The following ATP10B variants were observed in gnomAD, a reference collection of about 807,000 sequenced individuals.
ATP10B encodes the protein phospholipid-transporting ATPase VB.
In ATP10B, 122 loss-of-function variants were observed where a neutral mutation model predicts 141.2. That is an observed-to-expected ratio of 0.86 (90% CI 0.75 to 1.00). The LOEUF is 1.00. Ranked by LOEUF, ATP10B falls within the 50% of genes least tolerant of loss-of-function variation. The probability of loss-of-function intolerance (pLI) is 0.00; values close to 1 mark genes in which losing one functional copy is unlikely to be tolerated. For synonymous variants in ATP10B, 685 were observed against 692.0 expected, an observed-to-expected ratio of 0.99 and a Z score of 0.16; for missense variants, 1,876 against 1,825.3, an observed-to-expected ratio of 1.03 and a Z score of -0.51.
intron 25 of ATP10B, among the ~76,000 whole-genome samples, chr5:160,568,286 C>A (rs892796543): frequency 4.6e-5 from 7 of 151,226 alleles, no homozygotes; most frequent in Non-Finnish European, 8.9e-5. Context: ...TTTTTAAATC[C>A]ATGATAGTGA....
intron 3 of ATP10B, among the ~76,000 whole-genome samples, chr5:160,704,834 G>C (rs1194471986): frequency 6.7e-6 from 1 of 150,028 alleles, no homozygotes; most frequent in African/African-American, 2.5e-5. Flanking sequence ...TTGCAGTCTC[G>C]CAGTTTTATA....
In ATP10B at chr5:160,751,252, A is replaced by G. The variant is rs1768133044; in HGVS notation, c.-330-34218T>C. ...ACATCAGCCACAGTCTCTTCCCCTC[A>G]AATATGTCCCCAGCATCCCCAGGCT... On this transcript the variant is annotated intron_variant, in intron 2 of 25. Coordinates refer to ENST00000327245, the MANE Select transcript of ATP10B (RefSeq NM_025153.3). Among the ~76,000 whole-genome samples, 5 of 152,068 alleles carry G rather than the reference A, an allele frequency of 3.3e-5. No homozygotes were observed. The South Asian group carries it at 1.0e-3, about 32-fold the overall frequency.
At chr5:160,682,468 T>C (rs1191886313) in intron 6 of ATP10B, among the ~76,000 whole-genome samples, 1 of 152,194 alleles carries the variant, frequency 6.6e-6, no homozygotes, top group African/African-American at 2.4e-5. Context: ...GGAAGCTATT[T>C]TGGAAACAAC....
chr5:160,636,144 A>AT (rs1423513489), intron 11 of ATP10B, 38 bp downstream of exon 11: 1 of 1,559,298 alleles, frequency 6.4e-7, no homozygotes, highest in African/African-American at 1.4e-5. Context: ...TTTTGGCCAC[A>AT]TATCTTATTG....
chr5:160,842,429 TA>T (rs1775865406), intron 1 of ATP10B, among the ~76,000 whole-genome samples: 1 of 151,524 alleles, frequency 6.6e-6, no homozygotes, highest in Admixed American at 6.6e-5. Flanking sequence ...GATAAAAAAA[TA>T]AAGAGCGAAT....
chr5:160,752,059 C>T (rs1443172427), intron 2 of ATP10B, among the ~76,000 whole-genome samples: 1 of 151,984 alleles, frequency 6.6e-6, no homozygotes, highest in Non-Finnish European at 1.5e-5. Flanking sequence ...AGTAGGGCAA[C>T]CACAATTCCA....
At position 160,634,440 on chromosome 5, in the gene ATP10B, G is replaced by A. The variant is rs1015496083; in HGVS notation, c.1295C>T (p.Ser432Phe). The change falls in exon 12 of 26, where the codon TCC becomes TTC. Residue 432 changes from serine to phenylalanine, a missense_variant. Coordinates refer to ENST00000327245, the MANE Select transcript of ATP10B (RefSeq NM_025153.3). ...CTCTGTCAGGGTCCCCGTCTTATCG[G>A]AGAAGATGTACTGGATCTGGCCCAA... ...EDLGQIQYIF[S>F]DKTGTLTENK... 3.1e-6 allele frequency: 5 copies of A among 1,614,072 alleles called. No homozygotes were observed. In the African/African-American group the frequency reaches 5.3e-5, roughly 17 times the overall value.
intron 14 of ATP10B, among the ~76,000 whole-genome samples, chr5:160,621,487 T>C (rs1319971235): frequency 6.6e-6 from 1 of 152,216 alleles, no homozygotes; most frequent in African/African-American, 2.4e-5. Context: ...CTACTGTCTT[T>C]CCCCAAATGG....
intron 5 of ATP10B, chr5:160,686,933 C>A (rs1404300737): frequency 2.0e-6 from 2 of 984,982 alleles, no homozygotes; most frequent in Non-Finnish European, 2.4e-6. Context: ...TGATCTCATA[C>A]ATTATCTCAA....
chr5:160,669,230 G>A (rs1036142749), intron 7 of ATP10B, among the ~76,000 whole-genome samples: 4 of 152,216 alleles, frequency 2.6e-5, no homozygotes, highest in African/African-American at 9.6e-5. Flanking sequence ...TATTGCCTAT[G>A]AAAGCATTGA....
intron 16 of ATP10B, 25 bp downstream of exon 16, chr5:160,617,839 G>A (rs749928410): frequency 6.3e-7 from 1 of 1,578,434 alleles, no homozygotes; most frequent in African/African-American, 1.3e-5. Flanking sequence ...GATATTCAAA[G>A]CACGCTTGGA....
intron 2 of ATP10B, among the ~76,000 whole-genome samples, chr5:160,724,215 C>A (rs577353903): frequency 1.3e-5 from 2 of 151,174 alleles, no homozygotes; most frequent in African/African-American, 4.9e-5. Context: ...TACCATGAAC[C>A]CCCATGACAC....
intron 1 of ATP10B, among the ~76,000 whole-genome samples, chr5:160,823,878 A>T (rs553036428): frequency 2.0e-5 from 3 of 152,314 alleles, no homozygotes; most frequent in African/African-American, 7.2e-5. Context: ...CCGTAAATAT[A>T]TACACCTACA....
chr5:160,631,602 A>C (rs1758943880), intron 13 of ATP10B, among the ~76,000 whole-genome samples: 1 of 152,266 alleles, frequency 6.6e-6, no homozygotes, highest in Non-Finnish European at 1.5e-5. Flanking sequence ...TTTTTCTTCA[A>C]ACACACATGC....
intron 22 of ATP10B, among the ~76,000 whole-genome samples, chr5:160,591,352 G>A (rs1239610347): frequency 4.6e-5 from 7 of 152,252 alleles, no homozygotes; most frequent in East Asian, 1.9e-4. Flanking sequence ...TAAACTGTGC[G>A]GAGAACTAGT....
At chr5:160,821,222 G>C (rs2127961973) in intron 1 of ATP10B, among the ~76,000 whole-genome samples, 1 of 151,876 alleles carries the variant, frequency 6.6e-6, no homozygotes, top group African/African-American at 2.4e-5. Flanking sequence ...TACCAACAGT[G>C]AACAATCTGA....
At chr5:160,629,661 A>G (rs562412101) in intron 13 of ATP10B, among the ~76,000 whole-genome samples, 38 of 152,328 alleles carry the variant, frequency 2.5e-4, no homozygotes, top group Middle Eastern at 3.4e-3. Context: ...TCCATTAGGT[A>G]TCTGTCTAGA....
rs61734665 is a variant in ATP10B at position 160,615,896 on chromosome 5, G to A, written c.2595C>T (p.Asn865=). Residue 865 remains asparagine, a synonymous_variant, in exon 17 of 26, where the codon AAC becomes AAT. Coordinates refer to ENST00000327245, the MANE Select transcript of ATP10B (RefSeq NM_025153.3). ...CAGTTTCCATGAGAAGCTCATCTCG[G>A]TTGTCGAGGGATGCCTCAGCCTCAC... ...FRREAEASLD[N]RDELLMETAQ... is the part of the protein sequence containing the mutation. 7 of 1,613,782 alleles carry A rather than the reference G, an allele frequency of 4.3e-6. No homozygotes were observed. The African/African-American group carries it at 8.0e-5, about 18-fold the overall frequency.
intron 24 of ATP10B, among the ~76,000 whole-genome samples, chr5:160,586,319 T>C (rs1755894744): frequency 6.6e-6 from 1 of 152,242 alleles, no homozygotes; most frequent in Admixed American, 6.5e-5. Flanking sequence ...CATTCTTTTT[T>C]ATGGCTGCAT....
Sources: gnomAD v4.1 joint callset for allele counts (sites outside exome capture counted in the v4.1 genomes callset) on GRCh38, gnomAD v4.1.1 for gene constraint, MANE v1.5 for transcripts, NCBI Gene and HGNC (gene_info 2026-07-23, HGNC 2026-07-21) for gene names.